KIAA1217: variants seen among roughly 807,000 people sequenced by gnomAD.
KIAA1217 encodes KIAA1217, also known as sickle tail protein homolog.
KIAA1217 carries 88 observed loss-of-function variants against 163.9 expected under a neutral mutation model. That is an observed-to-expected ratio of 0.54 (90% confidence interval 0.45 to 0.64). The LOEUF is 0.64. KIAA1217 is among the 30% of genes least tolerant of loss of function. KIAA1217 has a pLI of 0.00. For missense variants in KIAA1217, 2,372 were observed against 2,475.0 expected, an observed-to-expected ratio of 0.96 and a Z score of 0.88; for synonymous variants, 903 against 923.1, an observed-to-expected ratio of 0.98 and a Z score of 0.39.
intron 1 of KIAA1217, among the ~76,000 whole-genome samples, chr10:23,892,440 G>A (rs966331068): frequency 6.6e-6 from 1 of 151,890 alleles, no homozygotes; most frequent in African/African-American, 2.4e-5. Flanking sequence ...TGGAAGCCTT[G>A]TTGAGATTTG....
At chr10:24,416,766 C>T (rs1401399855) in intron 3 of KIAA1217, among the ~76,000 whole-genome samples, 2 of 152,080 alleles carry the variant, frequency 1.3e-5, no homozygotes, top group Non-Finnish European at 2.9e-5. Flanking sequence ...AGCTCCCTTC[C>T]GCTTTGCAAG....
chr10:24,206,352 G>T (rs1055341283), upstream of KIAA1217, among the ~76,000 whole-genome samples: 1 of 152,164 alleles, frequency 6.6e-6, no homozygotes, highest in Non-Finnish European at 1.5e-5. Context: ...TTCAAATAGT[G>T]TTTCTTCCAG....
chr10:23,812,337 C>T (rs1234655206), intron 1 of KIAA1217, among the ~76,000 whole-genome samples: 1 of 152,150 alleles, frequency 6.6e-6, no homozygotes, highest in African/African-American at 2.4e-5. Context: ...CACATTATTA[C>T]TTCTAGCATG....
At chr10:24,248,952 A>G (rs1351452696) in intron 2 of KIAA1217, among the ~76,000 whole-genome samples, 2 of 152,230 alleles carry the variant, frequency 1.3e-5, no homozygotes, top group African/African-American at 2.4e-5. Context: ...AAGAAACACT[A>G]CTTTTTATAT....
At chr10:24,005,018 G>A (rs541004929) in intron 1 of KIAA1217, among the ~76,000 whole-genome samples, 13 of 152,224 alleles carry the variant, frequency 8.5e-5, no homozygotes, top group Non-Finnish European at 1.9e-4. Context: ...GTCCCAAAGA[G>A]TAAACTTATT....
chr10:23,787,656 C>G (rs1273045262), intron 1 of KIAA1217, among the ~76,000 whole-genome samples: 2 of 152,044 alleles, frequency 1.3e-5, no homozygotes, highest in African/African-American at 4.8e-5. Flanking sequence ...AGGAGACAAA[C>G]AAAACAAAAA....
chr10:24,287,022 C>G (rs1374210647), intron 2 of KIAA1217, among the ~76,000 whole-genome samples: 1 of 152,110 alleles, frequency 6.6e-6, no homozygotes, highest in Non-Finnish European at 1.5e-5. Flanking sequence ...CTTTACCTCT[C>G]AGAAGCTGTT....
chr10:23,973,221 T>C (rs1330726003), intron 1 of KIAA1217, among the ~76,000 whole-genome samples: 2 of 152,172 alleles, frequency 1.3e-5, no homozygotes, highest in African/African-American at 4.8e-5. Flanking sequence ...GAATTAAGTT[T>C]AGGAGGGAAA....
chr10:23,952,215 G>A (rs949337972), intron 1 of KIAA1217, among the ~76,000 whole-genome samples: 5 of 152,224 alleles, frequency 3.3e-5, no homozygotes, highest in Non-Finnish European at 7.3e-5. Flanking sequence ...TCCGCATGAT[G>A]TCTTTGCCTT....
intron 2 of KIAA1217, among the ~76,000 whole-genome samples, chr10:24,115,739 T>G (rs149684587): frequency 6.6e-6 from 1 of 152,182 alleles, no homozygotes; most frequent in Non-Finnish European, 1.5e-5. Flanking sequence ...TTCATGCTTT[T>G]GCATGGCGCC....
At chr10:24,231,801 GT>G (rs1203313894) in intron 2 of KIAA1217, among the ~76,000 whole-genome samples, 207 of 142,052 alleles carry the variant, frequency 1.5e-3, no homozygotes, top group South Asian at 1.8e-3. Flanking sequence ...TCACTCTTGG[GT>G]TTTTTTTTTT....
At chr10:24,147,859 A>G (rs866598816) in intron 2 of KIAA1217, among the ~76,000 whole-genome samples, 60 of 146,114 alleles carry the variant, frequency 4.1e-4, no homozygotes, top group African/African-American at 1.4e-3. Flanking sequence ...AAAAAAAAAA[A>G]AAAGAAAGAA....
intron 1 of KIAA1217, among the ~76,000 whole-genome samples, chr10:23,871,376 C>T (rs80257947): frequency 0.013 from 1,979 of 152,150 alleles, 61 homozygotes; most frequent in African/African-American, 0.045. Flanking sequence ...ACCACATGTG[C>T]GGTTTGGGGT....
chr10:24,094,894 G>A (rs569422205), intron 2 of KIAA1217, among the ~76,000 whole-genome samples: 3 of 152,292 alleles, frequency 2.0e-5, no homozygotes, highest in Admixed American at 6.5e-5. Flanking sequence ...CACCCAGTTC[G>A]AGCTTCCCGG....
intron 2 of KIAA1217, among the ~76,000 whole-genome samples, chr10:24,162,600 T>C (rs1671501693): frequency 6.6e-6 from 1 of 152,162 alleles, no homozygotes; most frequent in African/African-American, 2.4e-5. Context: ...TAAAGCACAA[T>C]GCCTATATTA....
At chr10:24,095,329 G>A (rs923537801) in intron 2 of KIAA1217, among the ~76,000 whole-genome samples, 1 of 152,092 alleles carries the variant, frequency 6.6e-6, no homozygotes, top group African/African-American at 2.4e-5. Flanking sequence ...CTTCTGCGTC[G>A]CTCATGCTGG....
chr10:24,200,372 C>CA (rs2130519736), intron 2 of KIAA1217, among the ~76,000 whole-genome samples: 1 of 152,204 alleles, frequency 6.6e-6, no homozygotes, highest in South Asian at 2.1e-4. Context: ...GGGCTGGCCT[C>CA]AAACTTCTGG....
chr10:23,934,629 T>TTTTTC (rs1843443615), intron 1 of KIAA1217, among the ~76,000 whole-genome samples: 1 of 107,776 alleles, frequency 9.3e-6, no homozygotes, highest in African/African-American at 5.4e-5. Flanking sequence ...ATATATATTT[T>TTTTTC]TTTTTTGAGA....
chr10:23,911,631 T>C (rs573682786), intron 1 of KIAA1217, among the ~76,000 whole-genome samples: 1 of 152,342 alleles, frequency 6.6e-6, no homozygotes, highest in South Asian at 2.1e-4. Flanking sequence ...AAAATGTATT[T>C]ATTATATATG....
Sources: gnomAD v4.1 joint callset for allele counts (sites outside exome capture counted in the v4.1 genomes callset) on GRCh38, gnomAD v4.1.1 for gene constraint, MANE v1.5 for transcripts, NCBI Gene and HGNC (gene_info 2026-07-23, HGNC 2026-07-21) for gene names.